The following GPR160 variants were observed in gnomAD, a reference collection of about 807,000 sequenced individuals.
The protein encoded by GPR160 is probable G protein-coupled receptor 160.
A neutral mutation model predicts 2.6 loss-of-function variants in GPR160; 2 were observed. That is an observed-to-expected ratio of 0.77 (90% CI 0.32 to 2.44). The LOEUF (loss-of-function observed/expected upper bound fraction) is 2.44. Ranked by LOEUF, GPR160 falls within the 30% of genes most tolerant of loss-of-function variation. GPR160 has a pLI of 0.11. For missense variants in GPR160, 351 were observed against 383.6 expected, an observed-to-expected ratio of 0.91 and a Z score of 0.71; for synonymous variants, 130 against 132.2, an observed-to-expected ratio of 0.98 and a Z score of 0.12.
chr3:170,066,947 G>T (rs1012006943), intron 2 of GPR160, among the ~76,000 whole-genome samples: 3 of 152,062 alleles, frequency 2.0e-5, no homozygotes, highest in African/African-American at 7.2e-5. Context: ...AAATTTTGGG[G>T]TTTTGCCTAT....
At position 170,062,583 on chromosome 3, in the gene GPR160, C is replaced by T. The variant is rs537047101; in HGVS notation, c.-192-17191C>T. 4.0e-5 allele frequency: 44 copies of T among 1,108,016 alleles called. No individual in the cohort carries two copies. The African/African-American group carries it at 5.4e-4, about 14-fold the overall frequency. 68.6% of individuals were successfully genotyped at this position (1,108,016 alleles called of 1,614,324 possible). On this transcript the variant is annotated intron_variant, in intron 2 of 3. Coordinates refer to ENST00000355897, the MANE Select transcript of GPR160 (RefSeq NM_014373.3). ...AGGAGAGGACCCCTCGCACCTTTTC[C>T]AAACCAAAAATGTGAAGCAGCAGAA...
chr3:170,074,735 G>A (rs1012122823), intron 2 of GPR160, among the ~76,000 whole-genome samples: 1 of 151,068 alleles, frequency 6.6e-6, no homozygotes, highest in African/African-American at 2.4e-5. Flanking sequence ...CTCCTGCCTC[G>A]GCCTCTCAAA....
At chr3:170,061,010 C>T (rs1236632302) in intron 2 of GPR160, among the ~76,000 whole-genome samples, 2 of 152,090 alleles carry the variant, frequency 1.3e-5, no homozygotes, top group Non-Finnish European at 2.9e-5. Context: ...CACGGTGGCT[C>T]ACACCTGTAA....
At chr3:170,067,401 A>G (rs772554999) in intron 2 of GPR160, among the ~76,000 whole-genome samples, 2 of 147,770 alleles carry the variant, frequency 1.4e-5, no homozygotes, top group Non-Finnish European at 3.1e-5. Context: ...TGTTCATTTT[A>G]CTATTTCAAT....
chr3:170,046,879 T>C (rs1716745748), intron 2 of GPR160, among the ~76,000 whole-genome samples: 1 of 152,154 alleles, frequency 6.6e-6, no homozygotes, highest in Non-Finnish European at 1.5e-5. Context: ...TTTTACTGTA[T>C]CAGAGAGGTA....
intron 2 of GPR160, among the ~76,000 whole-genome samples, chr3:170,052,185 CA>C (rs140852619): frequency 0.021 from 3,152 of 152,336 alleles, 115 homozygotes; most frequent in African/African-American, 0.071. Flanking sequence ...CTTGGCCTTC[CA>C]AAGTACTGGG....
chr3:170,052,040 C>G (rs1716978392), intron 2 of GPR160, among the ~76,000 whole-genome samples: 1 of 152,206 alleles, frequency 6.6e-6, no homozygotes, highest in Non-Finnish European at 1.5e-5. Flanking sequence ...ATTCCCCTGC[C>G]TCAGCCTCCT....
At chr3:170,045,002 T>A (rs555092479) in intron 2 of GPR160, among the ~76,000 whole-genome samples, 2 of 152,220 alleles carry the variant, frequency 1.3e-5, no homozygotes, top group South Asian at 4.1e-4. Flanking sequence ...TTCTCGCTTC[T>A]GTGAATAGCT....
At position 170,041,497 on chromosome 3, in the gene GPR160, G is replaced by GTC. The variant is rs1408499920; in HGVS notation, c.-193+2457_-193+2458dup. 2.0e-5 allele frequency among the ~76,000 whole-genome samples: 3 copies of GTC among 152,146 alleles called. No homozygotes were observed. The East Asian group carries it at 5.8e-4, about 29-fold the overall frequency. ...TTAGTAGAGACGGGGTTTCACCGTG[G>GTC]TCTCCATCTGTTGACCTCGTGATCT... On this transcript the variant is annotated intron_variant, in intron 2 of 3. Coordinates refer to ENST00000355897, the MANE Select transcript of GPR160 (RefSeq NM_014373.3).
At chr3:170,039,444 C>T (rs1320665875) in intron 2 of GPR160, among the ~76,000 whole-genome samples, 1 of 152,154 alleles carries the variant, frequency 6.6e-6, no homozygotes, top group African/African-American at 2.4e-5. Context: ...TGCGGTGGCT[C>T]ACACCTGTAA....
chr3:170,066,705 A>G (rs1712363552), intron 2 of GPR160, among the ~76,000 whole-genome samples: 2 of 152,234 alleles, frequency 1.3e-5, no homozygotes, highest in Admixed American at 6.5e-5. Context: ...CAATGCCTCC[A>G]TGAATACTCT....
At chr3:170,044,488 C>T (rs1272208449) in intron 2 of GPR160, among the ~76,000 whole-genome samples, 1 of 152,092 alleles carries the variant, frequency 6.6e-6, no homozygotes, top group Admixed American at 6.6e-5. Context: ...AACTTGTTCG[C>T]TACCCCCTGC....
At position 170,056,231 on chromosome 3, in the gene GPR160, A is replaced by G. The variant is rs545276573; in HGVS notation, c.-193+17188A>G. Among the ~76,000 whole-genome samples the G allele has an allele frequency of 2.0e-5, 3 of 152,356 alleles. No homozygotes were observed. In the East Asian group the frequency reaches 5.8e-4, roughly 29 times the overall value. ...AATATATGTGTAGAATTTGCAGTCA[A>G]TAAAATACAGTCACATTGTAAGGGA... On this transcript the variant is annotated intron_variant, in intron 2 of 3. Transcript: ENST00000355897.
At position 170,038,169 on chromosome 3, in the gene GPR160, G is replaced by T. The variant is rs2108302685; in HGVS notation, c.-368G>T. On this transcript the variant is annotated 5_prime_UTR_variant, in exon 1 of 4. In the 5' UTR this introduces an upstream ATG that the reference lacks. Transcript: ENST00000355897. This position sits in a 1 kb window ranked among gnomAD's most constrained non-coding sequence, Gnocchi z 5.3. ...CGGTCACCTGGGCACGGGCGCTGCA[G>T]GTGTCGGGGCCTCAACCTTGCGGAG... 1 of 152,438 alleles carries T rather than the reference G, an allele frequency of 6.6e-6. No individual in the cohort carries two copies. Among genetic ancestry groups the T allele is most frequent in the East Asian group, 1.9e-4 (1 of 5,148 alleles). The allele number at this position is 152,438 out of a possible 1,614,324, so 9.4% of individuals were successfully genotyped here.
At chr3:170,055,906 T>C (rs920452522) in intron 2 of GPR160, among the ~76,000 whole-genome samples, 2 of 152,254 alleles carry the variant, frequency 1.3e-5, no homozygotes, top group African/African-American at 4.8e-5. Context: ...AGTGCTGGGA[T>C]TACAGGCGTG....
At chr3:170,063,180 CT>C (rs201450289) in intron 2 of GPR160, 2,620 of 137,746 alleles carry the variant, frequency 0.019, 24 homozygotes, top group African/African-American at 0.042. Context: ...GTTTTTGTGC[CT>C]TTTTTTTTTT....
intron 2 of GPR160, among the ~76,000 whole-genome samples, chr3:170,068,423 G>T (rs1712446703): frequency 6.6e-6 from 1 of 152,176 alleles, no homozygotes; most frequent in Non-Finnish European, 1.5e-5. Context: ...CCAGAGTGCT[G>T]GGATTACAGG....
intron 2 of GPR160, among the ~76,000 whole-genome samples, chr3:170,059,030 AACACAC>A (rs10542909): frequency 0.035 from 5,179 of 148,848 alleles, 118 homozygotes; most frequent in African/African-American, 0.067. Context: ...CACATGCACA[AACACAC>A]ACACACACAC....
At position 170,074,485 on chromosome 3, in the gene GPR160, C is replaced by T. The variant is rs186830679; in HGVS notation, c.-192-5289C>T. On this transcript the variant is annotated intron_variant, in intron 2 of 3. Coordinates refer to ENST00000355897, the MANE Select transcript of GPR160 (RefSeq NM_014373.3). The stretch of plus-strand genomic sequence containing the variant: ...TTTTTGTTTTGATTGATTTCCTTTG[C>T]TTATTTATTTATTTGAGACAGGGTC... Among the ~76,000 whole-genome samples, 96 of 151,248 alleles carry T rather than the reference C, an allele frequency of 6.3e-4. No individual in the cohort carries two copies. In the East Asian group the frequency reaches 0.015, roughly 24 times the overall value.
Sources: allele counts gnomAD v4.1 joint callset (sites outside exome capture counted in the v4.1 genomes callset), GRCh38; gene constraint gnomAD v4.1.1; non-coding constraint Gnocchi (gnomAD v3.1); transcripts MANE v1.5; gene names NCBI Gene and HGNC (gene_info 2026-07-23, HGNC 2026-07-21).